The following EGLN3 variants were observed in gnomAD, a reference collection of about 807,000 sequenced individuals.
EGLN3 encodes the protein egl-9 family hypoxia inducible factor 3.
Under a neutral mutation model 26.0 loss-of-function variants are expected in EGLN3, and 15 were observed. The observed-to-expected ratio is 0.58, with a 90% CI of 0.39 to 0.89. EGLN3 has a LOEUF of 0.89. EGLN3 is among the 40% of genes least tolerant of loss of function. EGLN3 has a pLI of 0.00. For missense variants in EGLN3, 238 were observed against 311.6 expected (o/e 0.76, Z 1.78); for synonymous variants, 147 against 127.2 (o/e 1.16, Z -1.05).
chr14:33,941,920 G>A (rs904683766), intron 1 of EGLN3, among the ~76,000 whole-genome samples: 2 of 152,200 alleles, frequency 1.3e-5, no homozygotes, highest in African/African-American at 2.4e-5. Context: ...TAGCATTTCA[G>A]GGACTGGGAG....
rs571312068 is a variant in EGLN3 at position 33,925,611 on chromosome 14, G to C, written c.*280C>G. On this transcript the variant is annotated 3_prime_UTR_variant, in exon 5 of 5. Transcript: ENST00000250457. ...GTGCTCCTAGGCTCTTCTCTTGATAGTATTACCGAATCTATCAGGTAAACC... is the reference window on the plus strand; with the variant it reads ...GTGCTCCTAGGCTCTTCTCTTGATACTATTACCGAATCTATCAGGTAAACC... The C allele has an allele frequency of 2.2e-6, 1 of 455,184 alleles. No individual in the cohort carries two copies. The highest frequency in any genetic ancestry group is 3.9e-5 in the East Asian group (1 of 25,342). 28.2% of individuals were successfully genotyped at this position (455,184 alleles called of 1,614,324 possible).
intron 1 of EGLN3, among the ~76,000 whole-genome samples, chr14:33,936,513 G>A (rs1000182950): frequency 3.9e-5 from 6 of 152,120 alleles, no homozygotes; most frequent in African/African-American, 7.2e-5. Flanking sequence ...CGCCTTGACT[G>A]TGGCCAGTGA....
At chr14:33,933,314 G>GAA (rs5807751) in intron 1 of EGLN3, among the ~76,000 whole-genome samples, 77,284 of 139,074 alleles carry the variant, frequency 0.56, 21,683 homozygotes, top group South Asian at 0.7. Flanking sequence ...TTAAAATATT[G>GAA]AAAAAAAAAA....
rs2138805564 is a variant in EGLN3, at chr14:33,924,344, A to G, written c.*1547T>C. Reference sequence around the variant, plus strand: ...AAAAATATACAAAATTCCTGTCTTCATTGTGCTTACACTCCAGAGAAAGGA... The same window carrying G: ...AAAAATATACAAAATTCCTGTCTTCGTTGTGCTTACACTCCAGAGAAAGGA... On this transcript the variant is annotated 3_prime_UTR_variant, in exon 5 of 5. Coordinates refer to ENST00000250457, the MANE Select transcript of EGLN3 (RefSeq NM_022073.4). 6.6e-6 allele frequency: 1 copy of G among 152,292 alleles called. No individual in the cohort carries two copies. Among genetic ancestry groups the G allele is most frequent in the Non-Finnish European group, 1.5e-5 (1 of 68,014 alleles). 9.4% of individuals were successfully genotyped at this position (152,292 alleles called of 1,614,324 possible).
chr14:33,932,757 G>A (rs954201380), intron 1 of EGLN3, among the ~76,000 whole-genome samples: 1 of 152,152 alleles, frequency 6.6e-6, no homozygotes, highest in Non-Finnish European at 1.5e-5. Context: ...AAACTGTGAG[G>A]CGACGTCAGC....
Position 33,925,479 on chromosome 14 carries a change from G to A in EGLN3, c.*412C>T, listed in dbSNP as rs1405390912. On this transcript the variant is annotated 3_prime_UTR_variant, in exon 5 of 5. Coordinates refer to ENST00000250457, the MANE Select transcript of EGLN3 (RefSeq NM_022073.4). The stretch of plus-strand genomic sequence containing the variant: ...TCTGTTTCCTGCTGTTAAGGCTTCC[G>A]TGATGCCTCTCTGTGGCATCTACCA... The A allele has an allele frequency of 4.9e-5, 8 of 164,804 alleles. No individual in the cohort carries two copies. The highest frequency in any genetic ancestry group is 7.9e-5 in the Non-Finnish European group (6 of 75,556). The allele number at this position is 164,804 out of a possible 1,614,324, so 10.2% of individuals were successfully genotyped here.
chr14:33,950,250 G>T, intron 1 of EGLN3, 146 bp downstream of exon 1: 1 of 762,124 alleles, frequency 1.3e-6, no homozygotes. Flanking sequence ...GGGGTGGGGG[G>T]AAGCAGCGAG....
At chr14:33,950,069 C>T in intron 1 of EGLN3, 1 of 585,460 alleles carries the variant, frequency 1.7e-6, no homozygotes, top group South Asian at 2.2e-5. Flanking sequence ...TTTCCAATAC[C>T]CTTTCCCTCC....
At chr14:33,933,770 A>G (rs1420106281) in intron 1 of EGLN3, among the ~76,000 whole-genome samples, 2 of 152,040 alleles carry the variant, frequency 1.3e-5, no homozygotes, top group South Asian at 2.1e-4. Flanking sequence ...TTCTGTGCCA[A>G]TTTGTGCACG....
chr14:33,936,686 T>G (rs2064445098), intron 1 of EGLN3, among the ~76,000 whole-genome samples: 2 of 151,824 alleles, frequency 1.3e-5, no homozygotes, highest in Admixed American at 1.3e-4. Flanking sequence ...TCTGAAATTC[T>G]CCTATTTAAA....
rs950484706 is a variant in EGLN3, at chr14:33,928,952, G to C, written c.614+124C>G. The C allele has an allele frequency of 2.6e-5, 31 of 1,209,250 alleles. No homozygotes were observed. The South Asian group carries it at 5.8e-4, about 23-fold the overall frequency. The allele number at this position is 1,209,250 out of a possible 1,614,324, so 74.9% of individuals were successfully genotyped here. A position where few individuals can be genotyped will look rare whatever the true frequency, so the allele number is the denominator to read the frequency against. The stretch of plus-strand genomic sequence containing the variant: ...TTTAATTTTTGTAGACTCCAAACAA[G>C]TTTGCTATCAGCTATGGGGTGTGGT... On this transcript the variant is annotated intron_variant, in intron 3 of 4. Transcript: ENST00000250457.
chr14:33,936,712 A>G (rs903999687), intron 1 of EGLN3, among the ~76,000 whole-genome samples: 3 of 152,166 alleles, frequency 2.0e-5, no homozygotes, highest in Admixed American at 2.0e-4. Flanking sequence ...AGAAAAACCA[A>G]AAAAACGTTT....
At chr14:33,944,922 C>G (rs1002287134) in intron 1 of EGLN3, among the ~76,000 whole-genome samples, 5 of 152,150 alleles carry the variant, frequency 3.3e-5, no homozygotes, top group Admixed American at 1.3e-4. Flanking sequence ...CAAAATTGAG[C>G]AAAAGAAATT....
intron 1 of EGLN3, among the ~76,000 whole-genome samples, chr14:33,947,331 T>A (rs2064525051): frequency 2.0e-5 from 3 of 152,120 alleles, no homozygotes; most frequent in African/African-American, 7.2e-5. Context: ...AGGAACCACT[T>A]CCCAAGGGGT....
intron 1 of EGLN3, among the ~76,000 whole-genome samples, chr14:33,947,237 G>C (rs944308026): frequency 6.6e-6 from 1 of 152,160 alleles, no homozygotes; most frequent in African/African-American, 2.4e-5. Flanking sequence ...CTCCAAAAGG[G>C]AGTAGCGAGC....
chr14:33,942,522 T>C (rs1486556891), intron 1 of EGLN3, among the ~76,000 whole-genome samples: 3 of 152,058 alleles, frequency 2.0e-5, no homozygotes, highest in Non-Finnish European at 4.4e-5. Flanking sequence ...TCTATAAAAA[T>C]AAATAAAAGG....
At chr14:33,947,774 G>A (rs1022905773) in intron 1 of EGLN3, among the ~76,000 whole-genome samples, 26 of 152,106 alleles carry the variant, frequency 1.7e-4, no homozygotes, top group Admixed American at 7.2e-4. Context: ...TTTAAGGGCC[G>A]GGCACAGTGG....
Position 33,925,107 on chromosome 14 carries a change from T to C in EGLN3, c.*784A>G, listed in dbSNP as rs2064352267. 6.6e-6 allele frequency: 1 copy of C among 152,190 alleles called. No homozygotes were observed. The highest frequency in any genetic ancestry group is 2.4e-5 in the African/African-American group (1 of 41,440). The allele number at this position is 152,190 out of a possible 1,614,324, so 9.4% of individuals were successfully genotyped here. On this transcript the variant is annotated 3_prime_UTR_variant, in exon 5 of 5. Coordinates refer to ENST00000250457, the MANE Select transcript of EGLN3 (RefSeq NM_022073.4). ...TACCAGGGATATATTTTTCCTTTCATTTAAATTTAAATTCCATTCCAACAA... is the reference window on the plus strand; with the variant it reads ...TACCAGGGATATATTTTTCCTTTCACTTAAATTTAAATTCCATTCCAACAA...
Position 33,941,332 on chromosome 14 carries a change from G to A in EGLN3, c.357+9064C>T, listed in dbSNP as rs750679325. Among the ~76,000 whole-genome samples, 5 of 152,128 alleles carry A rather than the reference G, an allele frequency of 3.3e-5. No individual in the cohort carries two copies. The East Asian group carries it at 9.7e-4, about 29-fold the overall frequency. Reference sequence around the variant, plus strand: ...TCGTGGCCCTGGCGTCTCTGAGCCAGACCTGTAGGTATGAGCTGCCAGGAT... The same window carrying A: ...TCGTGGCCCTGGCGTCTCTGAGCCAAACCTGTAGGTATGAGCTGCCAGGAT... On this transcript the variant is annotated intron_variant, in intron 1 of 4. Coordinates refer to ENST00000250457, the MANE Select transcript of EGLN3 (RefSeq NM_022073.4).
Sources: allele counts gnomAD v4.1 joint callset (sites outside exome capture counted in the v4.1 genomes callset), GRCh38; gene constraint gnomAD v4.1.1; transcripts MANE v1.5; gene names NCBI Gene and HGNC (gene_info 2026-07-23, HGNC 2026-07-21).